Variants in CNTN4 observed in about 807,000 individuals in gnomAD.
CNTN4 encodes the protein contactin 4, also known as contactin-4.
A neutral mutation model predicts 122.5 loss-of-function variants in CNTN4; 77 were observed. The observed-to-expected ratio is 0.63, with a 90% CI of 0.52 to 0.76. CNTN4 has a LOEUF of 0.76. Among genes scored for constraint, CNTN4 ranks in the 30% least tolerant of loss-of-function variants. CNTN4 has a pLI of 0.00. For missense variants in CNTN4, 1,256 were observed against 1,259.1 expected, an observed-to-expected ratio of 1.00 and a Z score of 0.04; for synonymous variants, 512 against 447.0, an observed-to-expected ratio of 1.15 and a Z score of -1.83.
chr3:2,142,690 C>G (rs2035057530), intron 2 of CNTN4, among the ~76,000 whole-genome samples: 1 of 152,176 alleles, frequency 6.6e-6, no homozygotes. Context: ...CCTCCATTAC[C>G]AGTTAACAAA....
At chr3:2,290,740 G>C (rs975519085) in intron 2 of CNTN4, among the ~76,000 whole-genome samples, 16 of 152,184 alleles carry the variant, frequency 1.1e-4, no homozygotes, top group African/African-American at 3.9e-4. Flanking sequence ...CAGAGTGTGA[G>C]ATCATTGAGT....
intron 6 of CNTN4, among the ~76,000 whole-genome samples, chr3:2,795,103 A>G (rs994828997): frequency 6.6e-6 from 1 of 152,224 alleles, no homozygotes; most frequent in Non-Finnish European, 1.5e-5. Flanking sequence ...ATGTAATTCC[A>G]TTCTGTAAGT....
At chr3:3,012,202 T>C (rs1374733804) in intron 14 of CNTN4, among the ~76,000 whole-genome samples, 2 of 152,084 alleles carry the variant, frequency 1.3e-5, no homozygotes, top group African/African-American at 4.8e-5. Flanking sequence ...TTCCTTTGGA[T>C]CTGCATGGTA....
intron 4 of CNTN4, among the ~76,000 whole-genome samples, chr3:2,715,950 A>C (rs1274251604): frequency 1.3e-5 from 2 of 152,052 alleles, no homozygotes; most frequent in African/African-American, 4.8e-5. Flanking sequence ...TCCCCATTAC[A>C]TGTTTTAATT....
chr3:2,213,889 G>A (rs2038725259), intron 2 of CNTN4, among the ~76,000 whole-genome samples: 1 of 152,142 alleles, frequency 6.6e-6, no homozygotes, highest in South Asian at 2.1e-4. Context: ...GTTGGAATGA[G>A]GTTGGCAACA....
chr3:2,725,012 G>A (rs2088122247), intron 4 of CNTN4, among the ~76,000 whole-genome samples: 2 of 152,214 alleles, frequency 1.3e-5, no homozygotes, highest in African/African-American at 2.4e-5. Flanking sequence ...CAACTAAAGC[G>A]TCAGAAGCCA....
chr3:2,798,449 G>C (rs1040370328), intron 6 of CNTN4, among the ~76,000 whole-genome samples: 6 of 147,510 alleles, frequency 4.1e-5, no homozygotes, highest in African/African-American at 1.5e-4. Context: ...ATAGACATTT[G>C]GGTTGATTCC....
intron 2 of CNTN4, among the ~76,000 whole-genome samples, chr3:2,107,786 A>T (rs575032109): frequency 6.6e-6 from 1 of 152,200 alleles, no homozygotes; most frequent in South Asian, 2.1e-4. Flanking sequence ...TGGGGGTTTT[A>T]TTTGTTTGTT....
chr3:2,616,016 C>T (rs2081711156), intron 4 of CNTN4, among the ~76,000 whole-genome samples: 2 of 129,766 alleles, frequency 1.5e-5, no homozygotes, highest in South Asian at 4.8e-4. Flanking sequence ...GTTCCTCAGG[C>T]TGCCTTTTTT....
chr3:3,040,350 A>G (rs1202662235), intron 20 of CNTN4, 79 bp downstream of exon 20: 20 of 1,076,634 alleles, frequency 1.9e-5, no homozygotes, highest in Non-Finnish European at 2.4e-5. Context: ...CGTACAATCA[A>G]TTTCGCATGG....
At chr3:2,120,136 C>G (rs1289854361) in intron 2 of CNTN4, among the ~76,000 whole-genome samples, 2 of 151,494 alleles carry the variant, frequency 1.3e-5, no homozygotes, top group South Asian at 2.1e-4. Context: ...TACAAACAAT[C>G]AAGTTGTCAT....
chr3:2,418,041 T>G (rs891346438), intron 3 of CNTN4, among the ~76,000 whole-genome samples: 4 of 152,188 alleles, frequency 2.6e-5, no homozygotes, highest in Admixed American at 2.6e-4. Flanking sequence ...CTAATCTATA[T>G]GATACTATAA....
chr3:2,224,975 C>T (rs562353171), intron 2 of CNTN4, among the ~76,000 whole-genome samples: 1 of 150,412 alleles, frequency 6.6e-6, no homozygotes, highest in African/African-American at 2.4e-5. Flanking sequence ...TTGGTGAAAC[C>T]CCGTCTCTAC....
At chr3:2,304,446 A>T (rs916295838) in intron 2 of CNTN4, among the ~76,000 whole-genome samples, 2 of 152,116 alleles carry the variant, frequency 1.3e-5, no homozygotes, top group South Asian at 2.1e-4. Context: ...GCCAGATTCT[A>T]TTAGTACTTT....
chr3:2,391,269 G>GT (rs2046432928), intron 3 of CNTN4, among the ~76,000 whole-genome samples: 1 of 152,314 alleles, frequency 6.6e-6, no homozygotes, highest in East Asian at 1.9e-4. Context: ...ATAAGAGTGT[G>GT]TTAGAGTCAT....
chr3:2,841,465 C>G lies in CNTN4; in HGVS notation c.454+21884C>G, dbSNP rs2093360729. 6.6e-6 allele frequency among the ~76,000 whole-genome samples: 1 copy of G among 152,172 alleles called. No individual in the cohort carries two copies. Among genetic ancestry groups the G allele is most frequent in the South Asian group, 2.1e-4 (1 of 4,830 alleles). On this transcript the variant is annotated intron_variant, in intron 7 of 24. Transcript: ENST00000418658. This position sits in a 1 kb window ranked among gnomAD's most constrained non-coding sequence, Gnocchi z 4.8. ...GATTATTTTCATTTTAATATTCCCA[C>G]TATAATTATCTACAGATTTATGAAG...
chr3:2,137,800 G>A (rs2034774922), intron 2 of CNTN4, among the ~76,000 whole-genome samples: 1 of 152,182 alleles, frequency 6.6e-6, no homozygotes, highest in South Asian at 2.1e-4. Context: ...AAGCGGGCCA[G>A]GCAGGCAAGG....
chr3:2,751,552 G>A (rs1478339205), intron 6 of CNTN4, among the ~76,000 whole-genome samples: 1 of 152,130 alleles, frequency 6.6e-6, no homozygotes, highest in Admixed American at 6.5e-5. Flanking sequence ...TTCCATAGAC[G>A]AATAAATCAG....
intron 6 of CNTN4, among the ~76,000 whole-genome samples, chr3:2,785,444 T>C (rs529289801): frequency 4.5e-4 from 68 of 152,266 alleles, no homozygotes; most frequent in Admixed American, 8.5e-4. Context: ...AACCACATAG[T>C]TGGGGGGCAG....
Sources: gnomAD v4.1 joint callset for allele counts (sites outside exome capture counted in the v4.1 genomes callset) on GRCh38, gnomAD v4.1.1 for gene constraint, Gnocchi (gnomAD v3.1) non-coding constraint, MANE v1.5 for transcripts, NCBI Gene and HGNC (gene_info 2026-07-23, HGNC 2026-07-21) for gene names.